FNDC3B: variants seen among roughly 807,000 people sequenced by gnomAD.
The protein encoded by FNDC3B is fibronectin type III domain-containing protein 3B.
Under a neutral mutation model 151.5 loss-of-function variants are expected in FNDC3B, and 12 were observed. The ratio of observed to expected loss-of-function variants is 0.08; its 90% confidence interval spans 0.05 to 0.13. The LOEUF (loss-of-function observed/expected upper bound fraction) is 0.13. Among genes scored for constraint, FNDC3B ranks in the 10% least tolerant of loss-of-function variants. The pLI is 1.00. For synonymous variants in FNDC3B, 528 were observed against 549.0 expected, an observed-to-expected ratio of 0.96 and a Z score of 0.54; for missense variants, 1,214 against 1,505.3, an observed-to-expected ratio of 0.81 and a Z score of 3.20.
At chr3:172,349,878 A>G (rs771471797) in intron 21 of FNDC3B, among the ~76,000 whole-genome samples, 2 of 151,754 alleles carry the variant, frequency 1.3e-5, no homozygotes, top group Admixed American at 6.6e-5. Flanking sequence ...CTGGTCTCGA[A>G]CTCCCGACCT....
chr3:172,265,770 A>G (rs1728893427), intron 6 of FNDC3B, among the ~76,000 whole-genome samples: 1 of 152,198 alleles, frequency 6.6e-6, no homozygotes, highest in South Asian at 2.1e-4. Context: ...TCTTCAGGGA[A>G]TGTTTTCAGG....
rs1735802654 is a variant in FNDC3B at position 172,387,905 on chromosome 3, G to A, written c.3303+6812G>A. Among the ~76,000 whole-genome samples the A allele has an allele frequency of 2.0e-5, 3 of 152,164 alleles. No individual in the cohort carries two copies. The South Asian group carries it at 6.2e-4, about 31-fold the overall frequency. On this transcript the variant is annotated intron_variant, in intron 25 of 25. Coordinates refer to ENST00000415807, the MANE Select transcript of FNDC3B (RefSeq NM_022763.4). ...GACAAAGTTATGTGCCCAACATTATGCCCTCAATAGAGGAGGCCTGCAGGT... is the reference window on the plus strand; with the variant it reads ...GACAAAGTTATGTGCCCAACATTATACCCTCAATAGAGGAGGCCTGCAGGT...
intron 3 of FNDC3B, among the ~76,000 whole-genome samples, chr3:172,183,107 TC>T (rs1724000210): frequency 2.6e-5 from 4 of 152,214 alleles, no homozygotes; most frequent in Non-Finnish European, 5.9e-5. Context: ...TGTGGACAGA[TC>T]CAGGTCATCC....
chr3:172,208,098 C>T (rs1189050582), intron 3 of FNDC3B, among the ~76,000 whole-genome samples: 2 of 37,764 alleles, frequency 5.3e-5, no homozygotes, highest in Non-Finnish European at 1.5e-4. Flanking sequence ...CCATGCTGGA[C>T]AGCAGATTTG....
At chr3:172,176,304 C>G (rs1051232888) in intron 3 of FNDC3B, among the ~76,000 whole-genome samples, 1 of 152,078 alleles carries the variant, frequency 6.6e-6, no homozygotes, top group African/African-American at 2.4e-5. Flanking sequence ...CTAAGAGAGA[C>G]GAGTATAGTA....
At chr3:172,178,165 C>T (rs575449773) in intron 3 of FNDC3B, among the ~76,000 whole-genome samples, 2 of 152,246 alleles carry the variant, frequency 1.3e-5, no homozygotes, top group African/African-American at 4.8e-5. Flanking sequence ...GAAGCCCAAG[C>T]TCTCAGCCTC....
intron 1 of FNDC3B, among the ~76,000 whole-genome samples, chr3:172,052,676 G>A (rs1240417647): frequency 6.6e-6 from 1 of 152,140 alleles, no homozygotes; most frequent in Non-Finnish European, 1.5e-5. Context: ...TGAGGCTCTT[G>A]TTCTTTAGAT....
intron 23 of FNDC3B, among the ~76,000 whole-genome samples, chr3:172,363,348 T>C (rs1734455119): frequency 6.6e-6 from 1 of 152,220 alleles, no homozygotes; most frequent in Non-Finnish European, 1.5e-5. Flanking sequence ...TAGGAGATTC[T>C]TCATAAAACT....
intron 2 of FNDC3B, among the ~76,000 whole-genome samples, chr3:172,123,560 A>T (rs773449664): frequency 6.6e-6 from 1 of 152,176 alleles, no homozygotes; most frequent in Admixed American, 6.5e-5. Context: ...TTCTAGTTCA[A>T]GGGAGAAGCT....
chr3:172,324,428 G>C (rs917573347), intron 11 of FNDC3B, among the ~76,000 whole-genome samples: 3 of 152,152 alleles, frequency 2.0e-5, no homozygotes, highest in African/African-American at 4.8e-5. Flanking sequence ...GAATTAGGTT[G>C]AGTGCGAAGA....
intron 3 of FNDC3B, among the ~76,000 whole-genome samples, chr3:172,152,785 G>A (rs1287924918): frequency 6.6e-6 from 1 of 152,030 alleles, no homozygotes; most frequent in Non-Finnish European, 1.5e-5. Context: ...GTGCCTAGGA[G>A]CCCTGCTATT....
chr3:172,336,539 A>G (rs1213700107), intron 15 of FNDC3B, among the ~76,000 whole-genome samples: 13 of 152,206 alleles, frequency 8.5e-5, no homozygotes, highest in Admixed American at 8.5e-4. Context: ...GACGTATTCC[A>G]TTTTGATATT....
chr3:172,147,289 G>C (rs1721962454), intron 3 of FNDC3B, among the ~76,000 whole-genome samples: 2 of 144,680 alleles, frequency 1.4e-5, no homozygotes, highest in African/African-American at 2.6e-5. Context: ...CCTGGCGACA[G>C]AGTGAGACCC....
intron 1 of FNDC3B, among the ~76,000 whole-genome samples, chr3:172,107,377 G>GTT (rs202134236): frequency 6.6e-6 from 1 of 151,098 alleles, no homozygotes; most frequent in African/African-American, 2.4e-5. Context: ...TCTACTTTCT[G>GTT]TTTTTTTTTC....
chr3:172,152,534 G>GT (rs1330839713), intron 3 of FNDC3B, among the ~76,000 whole-genome samples: 1 of 142,130 alleles, frequency 7.0e-6, no homozygotes, highest in Non-Finnish European at 1.5e-5. Context: ...CCTGTTTCCT[G>GT]TTTTTTCTCC....
At chr3:172,079,450 G>A (rs1718176524) in intron 1 of FNDC3B, among the ~76,000 whole-genome samples, 1 of 152,172 alleles carries the variant, frequency 6.6e-6, no homozygotes, top group South Asian at 2.1e-4. Flanking sequence ...AAACTGGCAA[G>A]TGAATTGGAC....
chr3:172,336,926 A>C (rs1420809032), intron 15 of FNDC3B, among the ~76,000 whole-genome samples: 1 of 152,114 alleles, frequency 6.6e-6, no homozygotes, highest in Non-Finnish European at 1.5e-5. Context: ...AAAAAAACAA[A>C]AGAATCTAGT....
intron 3 of FNDC3B, among the ~76,000 whole-genome samples, chr3:172,212,947 A>C (rs1725804873): frequency 6.6e-6 from 1 of 152,072 alleles, no homozygotes; most frequent in Admixed American, 6.5e-5. Flanking sequence ...TCACGAGGAC[A>C]GTTGGAAAAC....
rs949687401 is a variant in FNDC3B, at chr3:172,352,653, A to G, written c.2515-150A>G. 2.4e-6 allele frequency: 2 copies of G among 819,526 alleles called. No homozygotes were observed. Among genetic ancestry groups the G allele is most frequent in the Non-Finnish European group, 3.7e-6 (2 of 542,808 alleles). 50.8% of individuals were successfully genotyped at this position (819,526 alleles called of 1,614,324 possible). A position where few individuals can be genotyped will look rare whatever the true frequency, so the allele number is the denominator to read the frequency against. ...GGTTAGCATTCTTTGGAAGGTGGTCATCAGATAGTAGACATTTTCTAGGAT... is the reference window on the plus strand; with the variant it reads ...GGTTAGCATTCTTTGGAAGGTGGTCGTCAGATAGTAGACATTTTCTAGGAT... On this transcript the variant is annotated intron_variant, in intron 21 of 25. Coordinates refer to ENST00000415807, the MANE Select transcript of FNDC3B (RefSeq NM_022763.4). This position sits in a 1 kb window ranked among gnomAD's most constrained non-coding sequence, Gnocchi z 4.2.
Sources: allele counts gnomAD v4.1 joint callset (sites outside exome capture counted in the v4.1 genomes callset), GRCh38; gene constraint gnomAD v4.1.1; non-coding constraint Gnocchi (gnomAD v3.1); transcripts MANE v1.5; gene names NCBI Gene and HGNC (gene_info 2026-07-23, HGNC 2026-07-21).